The following RPS6KA5 variants were observed in gnomAD, a reference collection of about 807,000 sequenced individuals.
RPS6KA5 encodes ribosomal protein S6 kinase A5.
Under a neutral mutation model 85.5 loss-of-function variants are expected in RPS6KA5, and 27 were observed. That is an observed-to-expected ratio of 0.32 (90% CI 0.23 to 0.44). RPS6KA5 has a LOEUF of 0.44. RPS6KA5 is among the 20% of genes least tolerant of loss of function. RPS6KA5 has a pLI of 1.00. For missense variants in RPS6KA5, 811 were observed against 980.9 expected (o/e 0.83, Z 2.31); for synonymous variants, 334 against 348.2 (o/e 0.96, Z 0.46).
At chr14:91,033,510 G>A (rs1382715209) in intron 1 of RPS6KA5, among the ~76,000 whole-genome samples, 2 of 152,012 alleles carry the variant, frequency 1.3e-5, no homozygotes, top group Non-Finnish European at 2.9e-5. Flanking sequence ...GCTGAGGCAG[G>A]AGAATCACTT....
chr14:90,904,918 T>C (rs2035420660), intron 8 of RPS6KA5, among the ~76,000 whole-genome samples: 1 of 152,212 alleles, frequency 6.6e-6, no homozygotes, highest in Admixed American at 6.5e-5. Flanking sequence ...TAGGAAAATA[T>C]GATTGGGTGT....
chr14:90,940,191 G>T (rs2037492802), intron 5 of RPS6KA5, among the ~76,000 whole-genome samples: 1 of 152,150 alleles, frequency 6.6e-6, no homozygotes, highest in South Asian at 2.1e-4. Flanking sequence ...AAAGAGATAT[G>T]CAACCCTTAA....
intron 1 of RPS6KA5, among the ~76,000 whole-genome samples, chr14:91,059,767 C>T (rs2043547960): frequency 1.3e-5 from 2 of 152,234 alleles, no homozygotes; most frequent in Admixed American, 1.3e-4. Context: ...GGCACTCAAT[C>T]CCTGGAGCCG....
In RPS6KA5 at chr14:90,899,312, AAAAAAAAGT is replaced by A; in HGVS notation, c.1473+8_1473+16del. ...AATTAGTACACATGGGAAAAAAAAA[AAAAAAAAGT>A]AGGATACCTGATCATGAAAAACTTC... On this transcript the variant is annotated splice_region_variant and intron_variant, in intron 12 of 16. Transcript: ENST00000614987. The A allele has an allele frequency of 6.4e-7, 1 of 1,558,280 alleles. No individual in the cohort carries two copies. The highest frequency in any genetic ancestry group is 1.4e-5 in the African/African-American group (1 of 72,448).
rs145939651 is a variant in RPS6KA5, at chr14:90,998,570, T to C, written c.175+2518A>G. Among the ~76,000 whole-genome samples, 331 of 152,312 alleles carry C rather than the reference T, an allele frequency of 2.2e-3. 5 individuals carry two copies. Among genetic ancestry groups the C allele is most frequent in the African/African-American group, 7.6e-3 (317 of 41,564 alleles). On this transcript the variant is annotated intron_variant, in intron 2 of 16. Transcript: ENST00000614987. ...ATCCTCTTTCCCCTTTGAGTAGATA[T>C]TGCCTTTGAAACAGGAAACAAAGGT...
rs1238463274 is a variant in RPS6KA5, at chr14:90,853,492, A to C, written c.*18582T>G. 6.8e-6 allele frequency: 1 copy of C among 147,724 alleles called. No homozygotes were observed. The highest frequency in any genetic ancestry group is 2.7e-5 in the African/African-American group (1 of 37,438). The allele number at this position is 147,724 out of a possible 1,614,324, so 9.2% of individuals were successfully genotyped here. A position where few individuals can be genotyped will look rare whatever the true frequency, so the allele number is the denominator to read the frequency against. ...CCTTAAGTAACAACAATAAAAAAAA[A>C]ACCCAAAAACAAAACAAAGCATCAA... On this transcript the variant is annotated 3_prime_UTR_variant, in exon 17 of 17. Transcript: ENST00000614987.
At chr14:91,003,330 A>G (rs2040866940) in intron 1 of RPS6KA5, among the ~76,000 whole-genome samples, 1 of 152,180 alleles carries the variant, frequency 6.6e-6, no homozygotes, top group African/African-American at 2.4e-5. Context: ...ATTTTTTGAT[A>G]CACAGAATTA....
chr14:91,016,052 T>C (rs188946362), intron 1 of RPS6KA5, among the ~76,000 whole-genome samples: 1 of 152,334 alleles, frequency 6.6e-6, no homozygotes, highest in Admixed American at 6.5e-5. Flanking sequence ...GCTAGAGCAG[T>C]GTGCAGCCCT....
At chr14:91,012,686 G>A (rs1221414761) in intron 1 of RPS6KA5, among the ~76,000 whole-genome samples, 1 of 152,068 alleles carries the variant, frequency 6.6e-6, no homozygotes, top group Non-Finnish European at 1.5e-5. Flanking sequence ...CAATAATCCA[G>A]TGAGGACACA....
At chr14:91,056,867 CTTTTTTT>C (rs34807092) in intron 1 of RPS6KA5, among the ~76,000 whole-genome samples, 136 of 38,886 alleles carry the variant, frequency 3.5e-3, no homozygotes, top group South Asian at 6.5e-3. Flanking sequence ...GCAGTATTAT[CTTTTTTT>C]TTTTTTTTTT....
intron 1 of RPS6KA5, among the ~76,000 whole-genome samples, chr14:91,036,741 A>G (rs1351232953): frequency 6.6e-6 from 1 of 152,180 alleles, no homozygotes; most frequent in East Asian, 1.9e-4. Context: ...CAGAATTGTC[A>G]ATTGTCTGTG....
intron 1 of RPS6KA5, among the ~76,000 whole-genome samples, chr14:91,041,355 T>G (rs1175527277): frequency 6.6e-6 from 1 of 152,266 alleles, no homozygotes; most frequent in Non-Finnish European, 1.5e-5. Context: ...CTTAGACTAA[T>G]TTAGCTTCAG....
chr14:90,983,823 C>G (rs868827796), intron 2 of RPS6KA5, among the ~76,000 whole-genome samples: 2 of 138,150 alleles, frequency 1.4e-5, no homozygotes, highest in African/African-American at 2.9e-5. Context: ...CTCTGTCTCT[C>G]TCTCTCTCTC....
At position 90,920,291 on chromosome 14, in the gene RPS6KA5, A is replaced by G. The variant is rs1373916642; in HGVS notation, c.721T>C (p.Leu241=). 1 of 1,608,652 alleles carries G rather than the reference A, an allele frequency of 6.2e-7. No individual in the cohort carries two copies. Among genetic ancestry groups the G allele is most frequent in the Non-Finnish European group, 8.5e-7 (1 of 1,175,674 alleles). ...AGTAATTCATACATTAGAACACCCA[A>G]ACTCCACCAGTCAACTGCCTATAAA... The part of the protein sequence containing the change: ...GHDKAVDWWS[L]GVLMYELLTG... The change falls in exon 7 of 17, where the codon TTG becomes CTG. Residue 241 remains leucine (L), a synonymous_variant. Transcript: ENST00000614987.
intron 3 of RPS6KA5, among the ~76,000 whole-genome samples, chr14:90,970,430 A>G (rs2039266003): frequency 6.6e-6 from 1 of 152,224 alleles, no homozygotes; most frequent in Non-Finnish European, 1.5e-5. Flanking sequence ...AACTCCATTG[A>G]AAGAATGACT....
chr14:90,928,624 T>C (rs1181287917), intron 5 of RPS6KA5, among the ~76,000 whole-genome samples: 1 of 150,920 alleles, frequency 6.6e-6, no homozygotes, highest in African/African-American at 2.4e-5. Flanking sequence ...AAAAAGATAA[T>C]ACCATTTTCT....
Position 90,946,229 on chromosome 14 carries a change from T to C in RPS6KA5, c.510+1206A>G, listed in dbSNP as rs948123110. ...AAAGAAGTCCAAGTGTCTGTTCTGC[T>C]ACCTCAGTTTGAGTGCCTACTTGAC... On this transcript the variant is annotated intron_variant, in intron 4 of 16. Coordinates refer to ENST00000614987, the MANE Select transcript of RPS6KA5 (RefSeq NM_004755.4). Among the ~76,000 whole-genome samples the C allele has an allele frequency of 9.2e-5, 14 of 152,280 alleles. 2 individuals carry two copies. In the South Asian group the frequency reaches 2.9e-3, roughly 32 times the overall value.
At chr14:90,923,982 AAGATTTT>A (rs1418843028) in intron 5 of RPS6KA5, among the ~76,000 whole-genome samples, 11 of 152,248 alleles carry the variant, frequency 7.2e-5, no homozygotes, top group Admixed American at 1.3e-4. Flanking sequence ...AAGTGCTTAA[AAGATTTT>A]TCTTCTACCT....
rs1388012598 is a variant in RPS6KA5 at position 91,060,319 on chromosome 14, C to A, written c.103+13G>T. The A allele has an allele frequency of 2.3e-6, 3 of 1,305,656 alleles. No homozygotes were observed. The African/African-American group carries it at 4.6e-5, about 20-fold the overall frequency. 80.9% of individuals were successfully genotyped at this position (1,305,656 alleles called of 1,614,324 possible). On this transcript the variant is annotated intron_variant, in intron 1 of 16. Coordinates refer to ENST00000614987, the MANE Select transcript of RPS6KA5 (RefSeq NM_004755.4). The stretch of plus-strand genomic sequence containing the variant: ...CGCGCCGGGCCCGGCCGGCAGAGGG[C>A]GGGGTCGCTCACCAGTCCGCAGCTC...
Sources: gnomAD v4.1 joint callset for allele counts (sites outside exome capture counted in the v4.1 genomes callset) on GRCh38, gnomAD v4.1.1 for gene constraint, MANE v1.5 for transcripts, NCBI Gene and HGNC (gene_info 2026-07-23, HGNC 2026-07-21) for gene names.